Variants in SEMA5A observed in about 807,000 individuals in gnomAD.
The protein encoded by SEMA5A is semaphorin-5A.
In SEMA5A, 55 loss-of-function variants were observed where a neutral mutation model predicts 135.5. That is an observed-to-expected ratio of 0.41 (90% confidence interval 0.33 to 0.51). The LOEUF (loss-of-function observed/expected upper bound fraction) is 0.51, where lower values mean the gene tolerates loss of function less well. Among genes scored for constraint, SEMA5A ranks in the 20% least tolerant of loss-of-function variants. The pLI, the probability that SEMA5A is intolerant of heterozygous loss-of-function variation, is 0.37. For missense variants in SEMA5A, 1,290 were observed against 1,419.9 expected (o/e 0.91, Z 1.47); for synonymous variants, 580 against 546.5 (o/e 1.06, Z -0.85).
chr5:9,294,622 C>T (rs1182316476), intron 5 of SEMA5A, among the ~76,000 whole-genome samples: 1 of 152,164 alleles, frequency 6.6e-6, no homozygotes, highest in Non-Finnish European at 1.5e-5. Context: ...TGCTTAACCA[C>T]TCAGAATCCA....
intron 2 of SEMA5A, among the ~76,000 whole-genome samples, chr5:9,390,586 C>T (rs150997280): frequency 5.3e-5 from 8 of 152,124 alleles, no homozygotes; most frequent in Non-Finnish European, 7.4e-5. Context: ...AGGAATAACA[C>T]GGTGTATATC....
At chr5:9,377,011 A>G (rs1269943626) in intron 3 of SEMA5A, among the ~76,000 whole-genome samples, 3 of 151,826 alleles carry the variant, frequency 2.0e-5, no homozygotes, top group Non-Finnish European at 4.4e-5. Flanking sequence ...AACACTATCC[A>G]TGGTCACAAA....
At chr5:9,239,849 A>G (rs928680431) in intron 5 of SEMA5A, among the ~76,000 whole-genome samples, 1 of 152,094 alleles carries the variant, frequency 6.6e-6, no homozygotes, top group Admixed American at 6.6e-5. Context: ...TAAAAGTTAA[A>G]TAATAATGTT....
chr5:9,487,331 A>C (rs1276221658), intron 1 of SEMA5A, among the ~76,000 whole-genome samples: 1 of 152,184 alleles, frequency 6.6e-6, no homozygotes, highest in Non-Finnish European at 1.5e-5. Context: ...ATTTACTACT[A>C]TTATCATTTT....
At chr5:9,157,144 TC>T (rs1339807325) in intron 11 of SEMA5A, among the ~76,000 whole-genome samples, 2 of 151,380 alleles carry the variant, frequency 1.3e-5, no homozygotes, top group Non-Finnish European at 3.0e-5. Context: ...CCTCCACAGT[TC>T]CCCCTTCCCT....
At chr5:9,055,985 A>T (rs1193830444) in intron 18 of SEMA5A, among the ~76,000 whole-genome samples, 2 of 152,034 alleles carry the variant, frequency 1.3e-5, no homozygotes, top group African/African-American at 4.8e-5. Flanking sequence ...ATCAGTGAGT[A>T]CCCTTGCATG....
intron 11 of SEMA5A, among the ~76,000 whole-genome samples, chr5:9,181,347 G>A (rs1744497995): frequency 6.6e-6 from 1 of 152,110 alleles, no homozygotes; most frequent in Admixed American, 6.5e-5. Context: ...AAACCCCAAA[G>A]TCCTTACAGG....
At chr5:9,229,291 C>T (rs1336243239) in intron 6 of SEMA5A, among the ~76,000 whole-genome samples, 3 of 152,192 alleles carry the variant, frequency 2.0e-5, no homozygotes, top group Admixed American at 6.5e-5. Flanking sequence ...GAGAAAGGTA[C>T]ACCAGAGGTG....
At position 9,035,372 on chromosome 5, in the gene SEMA5A, CGT is replaced by C. The variant is rs1443728533; in HGVS notation, c.*7523_*7524del. 1 of 152,048 alleles carries C rather than the reference CGT, an allele frequency of 6.6e-6. No homozygotes were observed. The highest frequency in any genetic ancestry group is 1.5e-5 in the Non-Finnish European group (1 of 67,984). The allele number at this position is 152,048 out of a possible 1,614,324, so 9.4% of individuals were successfully genotyped here. A position where few individuals can be genotyped will look rare whatever the true frequency, so the allele number is the denominator to read the frequency against. ...ATAGCTATATATTTTTTCTTATAAA[CGT>C]GTTTGTTTCTCAAAGCTGAGGCTTG... On this transcript the variant is annotated 3_prime_UTR_variant, in exon 23 of 23. Coordinates refer to ENST00000382496, the MANE Select transcript of SEMA5A (RefSeq NM_003966.3).
At chr5:9,043,857 G>C (rs1325171366) in intron 22 of SEMA5A, among the ~76,000 whole-genome samples, 1 of 152,224 alleles carries the variant, frequency 6.6e-6, no homozygotes, top group Non-Finnish European at 1.5e-5. Context: ...ACAGTGATCA[G>C]AGACAAGCTG....
At chr5:9,300,281 G>C (rs1561123275) in intron 5 of SEMA5A, among the ~76,000 whole-genome samples, 1 of 152,276 alleles carries the variant, frequency 6.6e-6, no homozygotes, top group East Asian at 1.9e-4. Flanking sequence ...ACCCGTCTTA[G>C]CCTCCAAAAG....
At chr5:9,148,089 C>A (rs1274029997) in intron 12 of SEMA5A, among the ~76,000 whole-genome samples, 1 of 152,082 alleles carries the variant, frequency 6.6e-6, no homozygotes, top group Non-Finnish European at 1.5e-5. Flanking sequence ...TAAGTGCACA[C>A]TCTTTCAATG....
intron 5 of SEMA5A, among the ~76,000 whole-genome samples, chr5:9,247,813 T>G (rs1247602132): frequency 6.6e-6 from 1 of 152,174 alleles, no homozygotes; most frequent in Non-Finnish European, 1.5e-5. Flanking sequence ...AGTTTGGTAG[T>G]CATTGTTTAC....
chr5:9,234,984 C>A (rs1806010), intron 6 of SEMA5A, among the ~76,000 whole-genome samples: 9 of 152,172 alleles, frequency 5.9e-5, no homozygotes, highest in Admixed American at 5.9e-4. Context: ...ACCAAACAAC[C>A]AATGATCACG....
At chr5:9,497,175 A>T (rs556408159) in intron 1 of SEMA5A, among the ~76,000 whole-genome samples, 1 of 152,178 alleles carries the variant, frequency 6.6e-6, no homozygotes, top group Non-Finnish European at 1.5e-5. Context: ...TGAAGCCACA[A>T]AGCTAAGGAG....
chr5:9,446,686 T>C (rs1579554937), intron 1 of SEMA5A, among the ~76,000 whole-genome samples: 1 of 152,312 alleles, frequency 6.6e-6, no homozygotes, highest in East Asian at 1.9e-4. Context: ...TATTCAGAAC[T>C]ACACAGCCAA....
intron 1 of SEMA5A, among the ~76,000 whole-genome samples, chr5:9,464,821 T>C (rs1759193786): frequency 6.6e-6 from 1 of 152,234 alleles, no homozygotes; most frequent in Non-Finnish European, 1.5e-5. Context: ...ATAAGATCCT[T>C]AGTCCTAAAG....
At chr5:9,244,208 G>C (rs1192951204) in intron 5 of SEMA5A, among the ~76,000 whole-genome samples, 1 of 152,182 alleles carries the variant, frequency 6.6e-6, no homozygotes, top group East Asian at 1.9e-4. Flanking sequence ...GCAATGTCCT[G>C]CTTTCAAAAT....
chr5:9,335,394 T>G (rs1561159237), intron 4 of SEMA5A, among the ~76,000 whole-genome samples: 1 of 152,182 alleles, frequency 6.6e-6, no homozygotes, highest in East Asian at 1.9e-4. Context: ...TACCCTAATT[T>G]GCTCTGTGGC....
Sources: allele counts gnomAD v4.1 joint callset (sites outside exome capture counted in the v4.1 genomes callset), GRCh38; gene constraint gnomAD v4.1.1; transcripts MANE v1.5; gene names NCBI Gene and HGNC (gene_info 2026-07-23, HGNC 2026-07-21).